Variants in MACROD1 observed in about 807,000 individuals in gnomAD.
The protein encoded by MACROD1 is mono-ADP ribosylhydrolase 1.
MACROD1 carries 31 observed loss-of-function variants against 41.4 expected under a neutral mutation model. The ratio of observed to expected loss-of-function variants is 0.75; its 90% confidence interval spans 0.56 to 1.01. MACROD1 has a LOEUF of 1.01. Ranked by LOEUF, MACROD1 falls within the 50% of genes least tolerant of loss-of-function variation. The pLI is 0.00. For synonymous variants in MACROD1, 252 were observed against 203.4 expected, an observed-to-expected ratio of 1.24 and a Z score of -2.03; for missense variants, 473 against 460.0, an observed-to-expected ratio of 1.03 and a Z score of -0.26.
Position 64,122,041 on chromosome 11 carries a change from T to A in MACROD1, c.517+29198A>T, listed in dbSNP as rs1945107398. Among the ~76,000 whole-genome samples the A allele has an allele frequency of 6.6e-6, 1 of 151,922 alleles. No individual in the cohort carries two copies. Among genetic ancestry groups the A allele is most frequent in the African/African-American group, 2.4e-5 (1 of 41,348 alleles). The stretch of plus-strand genomic sequence containing the variant: ...GAAGGCACCAGCAGGCCGGGAATCA[T>A]TTGCATTTTGCGAATGAGGCCTCTT... On this transcript the variant is annotated intron_variant, in intron 3 of 10. Coordinates refer to ENST00000255681, the MANE Select transcript of MACROD1 (RefSeq NM_014067.4). The surrounding 1 kb of genome is among the most constrained non-coding windows in gnomAD (Gnocchi z 4.0).
At chr11:64,020,388 A>G (rs538314455) in intron 3 of MACROD1, among the ~76,000 whole-genome samples, 4 of 152,216 alleles carry the variant, frequency 2.6e-5, no homozygotes, top group African/African-American at 7.2e-5. Context: ...CAGCTGCCCT[A>G]TGAAAACCCT....
At chr11:64,152,189 G>T in intron 2 of MACROD1, 103 bp downstream of exon 2, 1 of 853,772 alleles carries the variant, frequency 1.2e-6, no homozygotes, top group Admixed American at 1.9e-5. Flanking sequence ...CCTGCAGCAA[G>T]CACTCGATAC....
chr11:64,015,495 T>C (rs1340598706), intron 3 of MACROD1, among the ~76,000 whole-genome samples: 1 of 151,974 alleles, frequency 6.6e-6, no homozygotes, highest in African/African-American at 2.4e-5. Flanking sequence ...GTGGTAGGGC[T>C]GGGGACACAG....
At chr11:64,087,948 C>T (rs1035014273) in intron 3 of MACROD1, among the ~76,000 whole-genome samples, 4 of 152,140 alleles carry the variant, frequency 2.6e-5, no homozygotes, top group Non-Finnish European at 5.9e-5. Flanking sequence ...GAGGGGAGGC[C>T]GGGCCTCCTC....
intron 3 of MACROD1, among the ~76,000 whole-genome samples, chr11:64,088,508 A>G (rs1027778852): frequency 1.3e-5 from 2 of 152,184 alleles, no homozygotes; most frequent in African/African-American, 4.8e-5. Flanking sequence ...CTTCCTCACC[A>G]GGACGGCAGA....
chr11:64,108,357 T>C (rs922602150), intron 3 of MACROD1, among the ~76,000 whole-genome samples: 1 of 150,884 alleles, frequency 6.6e-6, no homozygotes, highest in African/African-American at 2.4e-5. Context: ...CACCCCACAG[T>C]AGGCTGAGCA....
intron 1 of MACROD1, among the ~76,000 whole-genome samples, chr11:64,160,028 G>A (rs1305057448): frequency 6.6e-6 from 1 of 152,112 alleles, no homozygotes; most frequent in Non-Finnish European, 1.5e-5. Flanking sequence ...CGTCAGCTTG[G>A]AGGACAAGCT....
chr11:64,059,704 G>A (rs1204472453), intron 3 of MACROD1, among the ~76,000 whole-genome samples: 5 of 152,218 alleles, frequency 3.3e-5, no homozygotes, highest in African/African-American at 1.2e-4. Context: ...CACAGAGAGG[G>A]GCAGGTCACT....
chr11:64,062,292 T>C (rs1159981241), intron 3 of MACROD1, among the ~76,000 whole-genome samples: 1 of 152,152 alleles, frequency 6.6e-6, no homozygotes, highest in Non-Finnish European at 1.5e-5. Flanking sequence ...TAAATGCATC[T>C]ATCAGTGAGT....
intron 3 of MACROD1, among the ~76,000 whole-genome samples, chr11:64,136,029 C>T (rs1172046210): frequency 5.9e-5 from 9 of 152,230 alleles, no homozygotes; most frequent in Admixed American, 5.9e-4. Context: ...CCAAACCCAC[C>T]GTCCTGCTCC....
Position 64,090,517 on chromosome 11 carries a change from G to T in MACROD1, c.517+60722C>A, listed in dbSNP as rs1047430099. Among the ~76,000 whole-genome samples the T allele has an allele frequency of 2.0e-5, 3 of 152,098 alleles. No individual in the cohort carries two copies. Among genetic ancestry groups the T allele is most frequent in the African/African-American group, 7.2e-5 (3 of 41,424 alleles). On this transcript the variant is annotated intron_variant, in intron 3 of 10. Transcript: ENST00000255681. The surrounding 1 kb of genome is among the most constrained non-coding windows in gnomAD (Gnocchi z 4.7). ...CAAATAACCACATTTGCTTCCCCGG[G>T]CCCTCCCTCGACCGGCTCTGCCTGC...
chr11:64,109,153 G>T (rs1944816331), intron 3 of MACROD1, among the ~76,000 whole-genome samples: 1 of 152,108 alleles, frequency 6.6e-6, no homozygotes, highest in African/African-American at 2.4e-5. Context: ...CAGGGATGGG[G>T]GGCTATTTCC....
At chr11:64,025,900 G>A (rs948285893) in intron 3 of MACROD1, among the ~76,000 whole-genome samples, 4 of 151,642 alleles carry the variant, frequency 2.6e-5, no homozygotes, top group Non-Finnish European at 5.9e-5. Flanking sequence ...TAAAATTTTC[G>A]GGCCGGGCGC....
At position 64,166,042 on chromosome 11, in the gene MACROD1, G is replaced by T. The variant is rs969308651; in HGVS notation, c.-48C>A. ...CTCCGCCCACTTGGACTCTATTTAC[G>T]GCGCTCGGGAGTGTCTCTCCCTTAT... On this transcript the variant is annotated 5_prime_UTR_variant, in exon 1 of 11. Transcript: ENST00000255681. 1 of 1,243,624 alleles carries T rather than the reference G, an allele frequency of 8.0e-7. No individual in the cohort carries two copies. Among genetic ancestry groups the T allele is most frequent in the East Asian group, 3.2e-5 (1 of 31,658 alleles). 77.0% of individuals were successfully genotyped at this position (1,243,624 alleles called of 1,614,324 possible).
At chr11:64,049,292 C>T (rs1943645697) in intron 3 of MACROD1, among the ~76,000 whole-genome samples, 1 of 152,104 alleles carries the variant, frequency 6.6e-6, no homozygotes, top group Non-Finnish European at 1.5e-5. Flanking sequence ...AGGGACTGGC[C>T]CAGGATCCCC....
At chr11:64,017,728 T>C (rs1222577674) in intron 3 of MACROD1, among the ~76,000 whole-genome samples, 1 of 152,028 alleles carries the variant, frequency 6.6e-6, no homozygotes, top group Non-Finnish European at 1.5e-5. Flanking sequence ...TCCAGGCCCC[T>C]TGGCCTGGGC....
At chr11:64,040,025 C>CTCAT (rs992718465) in intron 3 of MACROD1, among the ~76,000 whole-genome samples, 90 of 152,342 alleles carry the variant, frequency 5.9e-4, no homozygotes, top group Middle Eastern at 3.4e-3. Flanking sequence ...TCCTTTCCTG[C>CTCAT]TCATTCATTC....
At chr11:64,147,313 C>T (rs889958174) in intron 3 of MACROD1, among the ~76,000 whole-genome samples, 1 of 152,064 alleles carries the variant, frequency 6.6e-6, no homozygotes, top group African/African-American at 2.4e-5. Context: ...CTCAAGCAAT[C>T]TTCCTGCCTC....
At position 64,079,505 on chromosome 11, in the gene MACROD1, C is replaced by G. The variant is rs529999844; in HGVS notation, c.518-64224G>C. On this transcript the variant is annotated intron_variant, in intron 3 of 10. Coordinates refer to ENST00000255681, the MANE Select transcript of MACROD1 (RefSeq NM_014067.4). ...AATGGGGCAGGGATGAGAACTGTGC[C>G]TTAAGCAGTCACCAGCAAATGCAAA... Among the ~76,000 whole-genome samples, 4 of 152,264 alleles carry G rather than the reference C, an allele frequency of 2.6e-5. No homozygotes were observed. In the East Asian group the frequency reaches 7.7e-4, roughly 29 times the overall value.
Sources: allele counts gnomAD v4.1 joint callset (sites outside exome capture counted in the v4.1 genomes callset), GRCh38; gene constraint gnomAD v4.1.1; non-coding constraint Gnocchi (gnomAD v3.1); transcripts MANE v1.5; gene names NCBI Gene and HGNC (gene_info 2026-07-23, HGNC 2026-07-21).